The following IGFBP4 variants were observed in gnomAD, a reference collection of about 807,000 sequenced individuals.
The protein encoded by IGFBP4 is insulin-like growth factor-binding protein 4.
A neutral mutation model predicts 25.8 loss-of-function variants in IGFBP4; 9 were observed. The observed-to-expected ratio is 0.35, with a 90% CI of 0.21 to 0.61. The LOEUF (loss-of-function observed/expected upper bound fraction) is 0.61. IGFBP4 is among the 20% of genes least tolerant of loss of function. The pLI is 0.77. For synonymous variants in IGFBP4, 153 were observed against 153.9 expected (o/e 0.99, Z 0.05); for missense variants, 315 against 365.3 (o/e 0.86, Z 1.12).
intron 1 of IGFBP4, among the ~76,000 whole-genome samples, chr17:40,450,767 C>T (rs2035678310): frequency 3.9e-5 from 6 of 151,930 alleles, no homozygotes; most frequent in Admixed American, 2.6e-4. Context: ...TCAAGTGATC[C>T]TCCCACCTCG....
intron 1 of IGFBP4, among the ~76,000 whole-genome samples, chr17:40,444,978 G>A (rs2035636313): frequency 7.0e-6 from 1 of 142,996 alleles, no homozygotes; most frequent in South Asian, 2.2e-4. Context: ...GAGAGAGAGA[G>A]AGAGAGACTC....
intron 1 of IGFBP4, among the ~76,000 whole-genome samples, chr17:40,446,285 C>T (rs1485665452): frequency 6.8e-6 from 1 of 146,320 alleles, no homozygotes; most frequent in East Asian, 2.0e-4. Flanking sequence ...CGTGATTGCA[C>T]TCCAGCCTGG....
At chr17:40,444,885 ACACACACAC>A (rs2035632785) in intron 1 of IGFBP4, among the ~76,000 whole-genome samples, 2 of 13,684 alleles carry the variant, frequency 1.5e-4, no homozygotes, top group African/African-American at 4.2e-4. Flanking sequence ...AGAGAGAGAA[ACACACACAC>A]ACACACACAC....
chr17:40,457,439 G>A lies in IGFBP4; in HGVS notation c.*856G>A, dbSNP rs936662421. On this transcript the variant is annotated 3_prime_UTR_variant, in exon 4 of 4. Transcript: ENST00000269593. ...AATGTGCCTAATGGAGAAGACCCAC[G>A]TGCTAGGGGATGAGGGGCTTCCTGG... 3 of 152,158 alleles carry A rather than the reference G, an allele frequency of 2.0e-5. No individual in the cohort carries two copies. The highest frequency in any genetic ancestry group is 2.1e-4 in the South Asian group (1 of 4,826). 9.4% of individuals were successfully genotyped at this position (152,158 alleles called of 1,614,324 possible).
At chr17:40,449,877 AG>A (rs2035672946) in intron 1 of IGFBP4, among the ~76,000 whole-genome samples, 1 of 152,134 alleles carries the variant, frequency 6.6e-6, no homozygotes, top group Non-Finnish European at 1.5e-5. Context: ...CCACACTTCC[AG>A]GGTGGGAGCT....
Position 40,455,825 on chromosome 17 carries a change from T to C in IGFBP4, c.643-624T>C, listed in dbSNP as rs1868759. Reference sequence around the variant, plus strand: ...TGAAAGTTCTGACACTTGAACTTTATCCCCAGACCAGTTCTGATCCTTAAG... The same window carrying C: ...TGAAAGTTCTGACACTTGAACTTTACCCCCAGACCAGTTCTGATCCTTAAG... On this transcript the variant is annotated intron_variant, in intron 3 of 3. Coordinates refer to ENST00000269593, the MANE Select transcript of IGFBP4 (RefSeq NM_001552.3). 2.5e-3 allele frequency among the ~76,000 whole-genome samples: 382 copies of C among 152,256 alleles called. 1 individual carries two copies. Among genetic ancestry groups the C allele is most frequent in the African/African-American group, 8.4e-3 (351 of 41,560 alleles).
intron 3 of IGFBP4, 71 bp downstream of exon 3, chr17:40,454,133 G>A (rs1262658260): frequency 6.6e-7 from 1 of 1,519,212 alleles, no homozygotes. Flanking sequence ...TCCGCAGGAT[G>A]GTCCTGGATG....
Position 40,443,840 on chromosome 17 carries a change from G to T in IGFBP4, c.105G>T (p.Leu35=). ...GCCCGCCCTGCTCCGAGGAGAAGCT[G>T]GCGCGCTGCCGCCCCCCCGTGGGCT... is the stretch of plus-strand genomic sequence containing the variant. ...IHCPPCSEEK[L]ARCRPPVGCE... Residue 35 remains leucine (L), a synonymous_variant, in exon 1 of 4, where the codon CTG becomes CTT. Coordinates refer to ENST00000269593, the MANE Select transcript of IGFBP4 (RefSeq NM_001552.3). 1 of 1,533,050 alleles carries T rather than the reference G, an allele frequency of 6.5e-7. No individual in the cohort carries two copies. Among genetic ancestry groups the T allele is most frequent in the Non-Finnish European group, 8.7e-7 (1 of 1,146,234 alleles). The allele number at this position is 1,533,050 out of a possible 1,614,324, so 95.0% of individuals were successfully genotyped here. A position where few individuals can be genotyped will look rare whatever the true frequency, so the allele number is the denominator to read the frequency against.
At chr17:40,448,508 G>T (rs1597674568) in intron 1 of IGFBP4, among the ~76,000 whole-genome samples, 2 of 152,322 alleles carry the variant, frequency 1.3e-5, no homozygotes, top group Non-Finnish European at 2.9e-5. Flanking sequence ...AGGGGAATAG[G>T]TCTGACTCCA....
Position 40,443,697 on chromosome 17 carries a change from G to A in IGFBP4, c.-39G>A, listed in dbSNP as rs1198084546. 6 of 1,244,720 alleles carry A rather than the reference G, an allele frequency of 4.8e-6. No homozygotes were observed. Among genetic ancestry groups the A allele is most frequent in the Non-Finnish European group, 6.1e-6 (6 of 983,592 alleles). The allele number at this position is 1,244,720 out of a possible 1,614,324, so 77.1% of individuals were successfully genotyped here. ...CCGCGCGCCCGCGCTCCCCGCCTGC[G>A]CCCAGCGCCCCGCGCCCGCGCCCAG... On this transcript the variant is annotated 5_prime_UTR_variant, in exon 1 of 4. Coordinates refer to ENST00000269593, the MANE Select transcript of IGFBP4 (RefSeq NM_001552.3).
intron 1 of IGFBP4, among the ~76,000 whole-genome samples, chr17:40,444,924 C>G (rs139927495): frequency 2.0e-3 from 191 of 95,942 alleles, no homozygotes; most frequent in Middle Eastern, 4.4e-3. Flanking sequence ...CACACACACA[C>G]ACAGAGACAG....
chr17:40,445,636 G>A (rs181505019), intron 1 of IGFBP4, among the ~76,000 whole-genome samples: 31 of 152,370 alleles, frequency 2.0e-4, no homozygotes, highest in Admixed American at 4.6e-4. Flanking sequence ...AGAAATGCCA[G>A]CCTGGCACCC....
rs572455516 is a variant in IGFBP4 at position 40,443,843 on chromosome 17, G to A, written c.108G>A (p.Ala36=). The A allele has an allele frequency of 6.5e-7, 1 of 1,532,762 alleles. No individual in the cohort carries two copies. The highest frequency in any genetic ancestry group is 2.5e-5 in the East Asian group (1 of 40,750). The allele number at this position is 1,532,762 out of a possible 1,614,324, so 94.9% of individuals were successfully genotyped here. The change falls in exon 1 of 4, where the codon GCG becomes GCA. Residue 36 remains alanine (A), a synonymous_variant. Coordinates refer to ENST00000269593, the MANE Select transcript of IGFBP4 (RefSeq NM_001552.3). ...CGCCCTGCTCCGAGGAGAAGCTGGCGCGCTGCCGCCCCCCCGTGGGCTGCG... is the reference window on the plus strand; with the variant it reads ...CGCCCTGCTCCGAGGAGAAGCTGGCACGCTGCCGCCCCCCCGTGGGCTGCG... ...HCPPCSEEKL[A]RCRPPVGCEE...
At chr17:40,452,254 C>T (rs1029352492) in intron 1 of IGFBP4, among the ~76,000 whole-genome samples, 1 of 152,122 alleles carries the variant, frequency 6.6e-6, no homozygotes, top group South Asian at 2.1e-4. Flanking sequence ...CTGGGCAACC[C>T]CTATGGACTT....
Position 40,453,024 on chromosome 17 carries a change from C to T in IGFBP4, c.389C>T (p.Pro130Leu). The change falls in exon 2 of 4, where the codon CCC becomes CTC. Residue 130 changes from proline (P) to leucine (L), a missense_variant. Pro to Leu is a moderately conservative substitution (Grantham distance 98). Coordinates refer to ENST00000269593, the MANE Select transcript of IGFBP4 (RefSeq NM_001552.3). This position sits in a 1 kb window ranked among gnomAD's most constrained non-coding sequence, Gnocchi z 4.0. The part of the protein sequence containing the change: ...EGDHPNNSFS[P>L]CSAHDRRCLQ... ...GACCACCCCAACAACAGCTTCAGCC[C>T]CTGTAGCGCCCATGACCGCAGGTGC... The T allele has an allele frequency of 6.3e-7, 1 of 1,584,898 alleles. No individual in the cohort carries two copies. Among genetic ancestry groups the T allele is most frequent in the Non-Finnish European group, 8.6e-7 (1 of 1,164,858 alleles).
chr17:40,444,549 T>A (rs1378763835), intron 1 of IGFBP4, among the ~76,000 whole-genome samples: 1 of 152,068 alleles, frequency 6.6e-6, no homozygotes, highest in East Asian at 1.9e-4. Context: ...ACTTTTTTTT[T>A]ACATGGTCCA....
chr17:40,450,641 G>A (rs2035677452), intron 1 of IGFBP4, among the ~76,000 whole-genome samples: 1 of 151,914 alleles, frequency 6.6e-6, no homozygotes. Context: ...GGGGTCAAGC[G>A]ATCCTCCTAC....
intron 3 of IGFBP4, among the ~76,000 whole-genome samples, chr17:40,455,819 A>G (rs553255313): frequency 6.6e-6 from 1 of 152,132 alleles, no homozygotes; most frequent in East Asian, 1.9e-4. Flanking sequence ...TGACACTTGA[A>G]CTTTATCCCC....
At chr17:40,445,176 C>T (rs1007641588) in intron 1 of IGFBP4, among the ~76,000 whole-genome samples, 1 of 152,138 alleles carries the variant, frequency 6.6e-6, no homozygotes, top group East Asian at 1.9e-4. Context: ...GCCCATCGTG[C>T]GTTTCTTTCT....
Sources: gnomAD v4.1 joint callset for allele counts (sites outside exome capture counted in the v4.1 genomes callset) on GRCh38, gnomAD v4.1.1 for gene constraint, Gnocchi (gnomAD v3.1) non-coding constraint, MANE v1.5 for transcripts, NCBI Gene and HGNC (gene_info 2026-07-23, HGNC 2026-07-21) for gene names.